CACNB2: variants seen among roughly 807,000 people sequenced by gnomAD.
CACNB2 encodes calcium voltage-gated channel auxiliary subunit beta 2.
CACNB2 carries 42 observed loss-of-function variants against 73.3 expected under a neutral mutation model. That is an observed-to-expected ratio of 0.57 (90% CI 0.45 to 0.74). The LOEUF (loss-of-function observed/expected upper bound fraction) is 0.74, where lower values mean the gene tolerates loss of function less well. Among genes scored for constraint, CACNB2 ranks in the 30% least tolerant of loss-of-function variants. CACNB2 has a pLI of 0.00. For synonymous variants in CACNB2, 348 were observed against 310.3 expected (o/e 1.12, Z -1.28); for missense variants, 940 against 853.0 (o/e 1.10, Z -1.27).
chr10:18,431,283 T>C (rs993680096), intron 3 of CACNB2, among the ~76,000 whole-genome samples: 1 of 152,188 alleles, frequency 6.6e-6, no homozygotes, highest in African/African-American at 2.4e-5. Context: ...TCCTGGCCTG[T>C]CTGAGATTTT....
chr10:18,140,720 G>C lies in CACNB2; in HGVS notation c.-17G>C. ...CGCCGGGGGCTGGCTGCTTCGCTCC[G>C]AGCCGACTTTTCGCCAATGGTCCAA... is the stretch of plus-strand genomic sequence containing the variant. On this transcript the variant is annotated 5_prime_UTR_variant, in exon 1 of 14. Transcript: ENST00000324631. The C allele has an allele frequency of 6.3e-7, 1 of 1,585,822 alleles. No individual in the cohort carries two copies. Among genetic ancestry groups the C allele is most frequent in the Non-Finnish European group, 8.6e-7 (1 of 1,167,534 alleles).
intron 2 of CACNB2, among the ~76,000 whole-genome samples, chr10:18,375,069 T>C (rs10734050): frequency 0.25 from 38,437 of 151,938 alleles, 5,353 homozygotes; most frequent in East Asian, 0.65. Flanking sequence ...ATTTAAAAAA[T>C]TAGCCAAGAG....
chr10:18,258,138 G>A (rs899922083), intron 2 of CACNB2, among the ~76,000 whole-genome samples: 2 of 152,146 alleles, frequency 1.3e-5, no homozygotes, highest in African/African-American at 2.4e-5. Context: ...GCAAACAGAA[G>A]GTGCTCTATA....
At chr10:18,414,541 G>A (rs542448056) in intron 3 of CACNB2, among the ~76,000 whole-genome samples, 2 of 143,162 alleles carry the variant, frequency 1.4e-5, no homozygotes, top group South Asian at 4.4e-4. Context: ...CTGGAGCGCA[G>A]TGGCACAATC....
At chr10:18,215,829 G>A (rs1045782213) in intron 2 of CACNB2, among the ~76,000 whole-genome samples, 1 of 152,144 alleles carries the variant, frequency 6.6e-6, no homozygotes, top group Non-Finnish European at 1.5e-5. Context: ...ATGTTTAAGA[G>A]AAGCCTGTGG....
intron 6 of CACNB2, 141 bp downstream of exon 6, chr10:18,506,688 CT>C (rs2133075324): frequency 1.5e-6 from 1 of 687,850 alleles, no homozygotes; most frequent in Middle Eastern, 2.4e-4. Context: ...TGAGCATGCC[CT>C]TTTGGAGTTA....
chr10:18,183,583 A>G (rs2033998004), intron 2 of CACNB2, among the ~76,000 whole-genome samples: 1 of 152,130 alleles, frequency 6.6e-6, no homozygotes, highest in Non-Finnish European at 1.5e-5. Context: ...CCTCTTTATA[A>G]AACCATCAGA....
intron 2 of CACNB2, among the ~76,000 whole-genome samples, chr10:18,362,601 TAAGTCCATAACGTGTTAA>T (rs1215065191): frequency 6.6e-6 from 1 of 152,222 alleles, no homozygotes; most frequent in African/African-American, 2.4e-5. Flanking sequence ...ATCAATTTTT[TAAGTCCATAACGTGTTAA>T]AAGTCCATAA....
intron 3 of CACNB2, among the ~76,000 whole-genome samples, chr10:18,435,391 T>C (rs1191834858): frequency 6.6e-6 from 1 of 152,138 alleles, no homozygotes; most frequent in African/African-American, 2.4e-5. Flanking sequence ...AGTAGGGTCT[T>C]CACTTTTCCT....
intron 2 of CACNB2, among the ~76,000 whole-genome samples, chr10:18,235,561 G>C (rs887380894): frequency 3.3e-5 from 5 of 152,216 alleles, no homozygotes; most frequent in African/African-American, 9.6e-5. Context: ...CCAAGAGACA[G>C]AAGGGGTCTG....
At chr10:18,260,827 C>G in intron 2 of CACNB2, 1 of 1,023,486 alleles carries the variant, frequency 9.8e-7, no homozygotes, top group Non-Finnish European at 1.2e-6. Context: ...TCCTGCTTTT[C>G]AAAAGCAGAG....
intron 3 of CACNB2, among the ~76,000 whole-genome samples, chr10:18,484,181 G>A (rs1034015057): frequency 5.9e-5 from 9 of 152,140 alleles, no homozygotes; most frequent in Non-Finnish European, 1.2e-4. Context: ...ATCACTTGAG[G>A]TCAGGAGTTC....
chr10:18,440,689 G>T (rs1328503717), intron 3 of CACNB2, among the ~76,000 whole-genome samples: 1 of 152,112 alleles, frequency 6.6e-6, no homozygotes, highest in African/African-American at 2.4e-5. Context: ...GATCAAAATT[G>T]TGAATGGAGT....
At chr10:18,179,400 C>T (rs2033764942) in intron 2 of CACNB2, among the ~76,000 whole-genome samples, 1 of 152,146 alleles carries the variant, frequency 6.6e-6, no homozygotes, top group Non-Finnish European at 1.5e-5. Context: ...CTGTTTTTCT[C>T]CCTGCATCCC....
chr10:18,225,840 A>G (rs1400015052), intron 2 of CACNB2, among the ~76,000 whole-genome samples: 1 of 151,882 alleles, frequency 6.6e-6, no homozygotes, highest in Non-Finnish European at 1.5e-5. Flanking sequence ...GGGTCCCACT[A>G]TGTTGCTCAG....
chr10:18,467,024 G>C (rs568713948), intron 3 of CACNB2, among the ~76,000 whole-genome samples: 1 of 151,980 alleles, frequency 6.6e-6, no homozygotes, highest in African/African-American at 2.4e-5. Context: ...CATGGTGGCA[G>C]GTGCCTGTAA....
chr10:18,159,923 C>G (rs2032334303), intron 2 of CACNB2, among the ~76,000 whole-genome samples: 1 of 152,092 alleles, frequency 6.6e-6, no homozygotes, highest in Admixed American at 6.6e-5. Flanking sequence ...TATGGAGTCA[C>G]TTAGATTTTG....
chr10:18,332,760 A>G (rs1459451092), intron 2 of CACNB2, among the ~76,000 whole-genome samples: 1 of 152,208 alleles, frequency 6.6e-6, no homozygotes, highest in Non-Finnish European at 1.5e-5. Flanking sequence ...TGTATTAAGG[A>G]GAAATATTGA....
intron 2 of CACNB2, among the ~76,000 whole-genome samples, chr10:18,366,333 C>T (rs370742995): frequency 9.2e-5 from 14 of 151,644 alleles, no homozygotes; most frequent in Non-Finnish European, 1.3e-4. Context: ...GGCGTGGTGG[C>T]GGGCACCTGT....
Sources: gnomAD v4.1 joint callset for allele counts (sites outside exome capture counted in the v4.1 genomes callset) on GRCh38, gnomAD v4.1.1 for gene constraint, MANE v1.5 for transcripts, NCBI Gene and HGNC (gene_info 2026-07-23, HGNC 2026-07-21) for gene names.